Variants in PRKN observed in about 807,000 individuals in gnomAD.
The protein encoded by PRKN is parkin RBR E3 ubiquitin protein ligase, also known as E3 ubiquitin-protein ligase parkin.
PRKN carries 56 observed loss-of-function variants against 59.5 expected under a neutral mutation model. The ratio of observed to expected loss-of-function variants is 0.94; its 90% CI spans 0.76 to 1.18. PRKN has a LOEUF of 1.18. PRKN is among the 50% of genes most tolerant of loss of function. PRKN has a pLI of 0.00. For synonymous variants in PRKN, 250 were observed against 222.1 expected (o/e 1.13, Z -1.12); for missense variants, 657 against 596.4 (o/e 1.10, Z -1.06).
At chr6:162,530,137 T>TAA (rs34337550) in intron 1 of PRKN, among the ~76,000 whole-genome samples, 4 of 120,902 alleles carry the variant, frequency 3.3e-5, no homozygotes, top group Non-Finnish European at 6.6e-5. Context: ...TCAGTCTCAA[T>TAA]AAAAAAAAAA....
chr6:161,872,801 C>T (rs1273348947), intron 6 of PRKN, among the ~76,000 whole-genome samples: 1 of 151,888 alleles, frequency 6.6e-6, no homozygotes, highest in South Asian at 2.1e-4. Context: ...AGCCCAGGCT[C>T]TTATATTATA....
intron 1 of PRKN, among the ~76,000 whole-genome samples, chr6:162,553,464 C>T (rs566707505): frequency 1.3e-5 from 2 of 149,384 alleles, no homozygotes; most frequent in African/African-American, 2.5e-5. Flanking sequence ...CCTCAGGAAA[C>T]CGGGTACTGA....
rs567265126 is a variant in PRKN at position 161,756,461 on chromosome 6, A to C, written c.871+29311T>G. On this transcript the variant is annotated intron_variant, in intron 7 of 11. Transcript: ENST00000366898. The stretch of plus-strand genomic sequence containing the variant: ...TGTCTCGAAAAAAAAAAAAAAAAAA[A>C]AAAAAAAAACACTTTCTCTCAGCTT... Among the ~76,000 whole-genome samples the C allele has an allele frequency of 4.3e-4, 65 of 151,572 alleles. 2 individuals carry two copies. In the South Asian group the frequency reaches 0.011, roughly 25 times the overall value.
At chr6:161,938,199 CA>C (rs1266372183) in intron 6 of PRKN, among the ~76,000 whole-genome samples, 1 of 152,200 alleles carries the variant, frequency 6.6e-6, no homozygotes, top group Non-Finnish European at 1.5e-5. Flanking sequence ...GTCCACAGAA[CA>C]CTCTCAGGGA....
intron 3 of PRKN, among the ~76,000 whole-genome samples, chr6:162,215,542 A>C (rs942221143): frequency 1.3e-5 from 2 of 152,252 alleles, no homozygotes; most frequent in African/African-American, 4.8e-5. Context: ...TCAAAAGATT[A>C]AATGTAAATT....
intron 4 of PRKN, among the ~76,000 whole-genome samples, chr6:162,112,528 A>C (rs1002284800): frequency 3.3e-5 from 5 of 152,176 alleles, no homozygotes; most frequent in African/African-American, 4.8e-5. Context: ...AGTCCTTGTC[A>C]TCACAAAAAT....
chr6:162,648,428 C>G (rs1778283928), intron 1 of PRKN, among the ~76,000 whole-genome samples: 2 of 147,596 alleles, frequency 1.4e-5, no homozygotes, highest in Admixed American at 1.4e-4. Flanking sequence ...GTTTCCCAAG[C>G]TGGAGTGCAG....
chr6:162,076,118 G>GC (rs1189068437), intron 4 of PRKN, among the ~76,000 whole-genome samples: 1 of 151,794 alleles, frequency 6.6e-6, no homozygotes, highest in African/African-American at 2.4e-5. Flanking sequence ...ATAGGCATGT[G>GC]CCCCCACACC....
intron 4 of PRKN, among the ~76,000 whole-genome samples, chr6:162,168,934 A>G (rs1363132485): frequency 6.6e-6 from 1 of 152,156 alleles, no homozygotes; most frequent in Non-Finnish European, 1.5e-5. Context: ...GCTTATTGTT[A>G]CCCATTGTTC....
rs571501686 is a variant in PRKN, at chr6:162,291,754, T to C, written c.172-28989A>G. ...TTCCTTTCATGTTACCCTGAGGTTA[T>C]TCACCGCTACGACAACAATCTCCAA... On this transcript the variant is annotated intron_variant, in intron 2 of 11. Transcript: ENST00000366898. Among the ~76,000 whole-genome samples the C allele has an allele frequency of 6.8e-4, 104 of 152,240 alleles. 2 individuals carry two copies. The highest frequency in any genetic ancestry group is 2.1e-3 in the African/African-American group (87 of 41,544).
At chr6:162,476,215 G>A (rs777761101) in intron 1 of PRKN, among the ~76,000 whole-genome samples, 19 of 151,968 alleles carry the variant, frequency 1.3e-4, no homozygotes, top group African/African-American at 4.4e-4. Context: ...GTGCCACCAC[G>A]CCCTACTTAT....
chr6:162,237,620 T>C (rs781438994), intron 3 of PRKN, among the ~76,000 whole-genome samples: 6 of 151,936 alleles, frequency 3.9e-5, no homozygotes, highest in Non-Finnish European at 8.8e-5. Context: ...AAAAAGAAGG[T>C]GGAGAAAGGA....
chr6:161,939,549 T>C (rs570623777), intron 6 of PRKN, among the ~76,000 whole-genome samples: 232 of 150,196 alleles, frequency 1.5e-3, no homozygotes, highest in Middle Eastern at 6.9e-3. Context: ...CTGGCCAATA[T>C]GGTGAAACCC....
At chr6:162,064,915 C>T (rs1011289491) in intron 4 of PRKN, among the ~76,000 whole-genome samples, 1 of 152,182 alleles carries the variant, frequency 6.6e-6, no homozygotes, top group South Asian at 2.1e-4. Flanking sequence ...TAAGGGCCCT[C>T]CCCACAGAAA....
chr6:162,340,095 C>G (rs1784101572), intron 2 of PRKN, among the ~76,000 whole-genome samples: 1 of 145,960 alleles, frequency 6.9e-6, no homozygotes, highest in South Asian at 2.2e-4. Flanking sequence ...CATGACCCTG[C>G]CAAATCCCCC....
At chr6:161,706,049 T>C (rs1245554305) in intron 7 of PRKN, among the ~76,000 whole-genome samples, 5 of 151,926 alleles carry the variant, frequency 3.3e-5, no homozygotes, top group Admixed American at 2.6e-4. Context: ...GCATACCAGA[T>C]AATGTGGCCC....
chr6:161,991,312 A>G (rs7451121), intron 5 of PRKN, among the ~76,000 whole-genome samples: 72,367 of 151,972 alleles, frequency 0.48, 17,444 homozygotes, highest in East Asian at 0.6. Context: ...GCAAAACTCA[A>G]TGGTAGAGCA....
At chr6:162,469,046 G>C (rs1264233141) in intron 1 of PRKN, among the ~76,000 whole-genome samples, 3 of 152,046 alleles carry the variant, frequency 2.0e-5, no homozygotes, top group Non-Finnish European at 4.4e-5. Context: ...GGGAAATATG[G>C]AATGTATCCA....
intron 1 of PRKN, among the ~76,000 whole-genome samples, chr6:162,602,301 T>G (rs998860857): frequency 2.6e-5 from 4 of 152,126 alleles, no homozygotes; most frequent in African/African-American, 4.8e-5. Flanking sequence ...CAAGGCAGAA[T>G]GTTTCAGGCA....
Sources: allele counts gnomAD v4.1 joint callset (sites outside exome capture counted in the v4.1 genomes callset), GRCh38; gene constraint gnomAD v4.1.1; transcripts MANE v1.5; gene names NCBI Gene and HGNC (gene_info 2026-07-23, HGNC 2026-07-21).